Variants in IL15RA observed in about 807,000 individuals in gnomAD.
The protein encoded by IL15RA is interleukin 15 receptor subunit alpha, also known as interleukin-15 receptor subunit alpha.
In IL15RA, 26 loss-of-function variants were observed where a neutral mutation model predicts 24.2. The observed-to-expected ratio is 1.07, with a 90% CI of 0.79 to 1.49. The LOEUF is 1.49. Among genes scored for constraint, IL15RA ranks in the 40% most tolerant of loss-of-function variants. IL15RA has a pLI of 0.00. For missense variants in IL15RA, 354 were observed against 356.4 expected, an observed-to-expected ratio of 0.99 and a Z score of 0.05; for synonymous variants, 166 against 157.6, an observed-to-expected ratio of 1.05 and a Z score of -0.40.
Position 5,953,089 on chromosome 10 carries a change from C to T in IL15RA, c.*6G>A, listed in dbSNP as rs2229135. 0.085 allele frequency: 135,946 copies of T among 1,604,980 alleles called. 6,320 individuals carry two copies. The highest frequency in any genetic ancestry group is 0.15 in the Admixed American group (8,864 of 60,006). ...CCGGACTTAGCTGGGCTGGTTTCCC[C>T]GAGTTTCATAGGTGGTGAGAGCAGT... On this transcript the variant is annotated 3_prime_UTR_variant, in exon 7 of 7. Transcript: ENST00000379977. The surrounding 1 kb of genome is among the most constrained non-coding windows in gnomAD (Gnocchi z 5.3).
downstream of IL15RA, chr10:5,950,811 T>G (rs1239812756): frequency 6.6e-6 from 1 of 152,492 alleles, no homozygotes; most frequent in Non-Finnish European, 1.5e-5. This position sits in a 1 kb window ranked among gnomAD's most constrained non-coding sequence, Gnocchi z 5.6. Flanking sequence ...CTGATTTTGA[T>G]GAAGGCATCT....
chr10:5,950,276 C>A (rs1327159553), downstream of IL15RA, among the ~76,000 whole-genome samples: 1 of 152,078 alleles, frequency 6.6e-6, no homozygotes, highest in Non-Finnish European at 1.5e-5. This position sits in a 1 kb window ranked among gnomAD's most constrained non-coding sequence, Gnocchi z 5.6. Context: ...AGCTATAGAA[C>A]TTTCTTTTTT....
chr10:5,963,381 G>A lies in IL15RA; in HGVS notation c.382+362C>T, dbSNP rs1835921552. On this transcript the variant is annotated intron_variant, in intron 3 of 6. Transcript: ENST00000379977. This position sits in a 1 kb window ranked among gnomAD's most constrained non-coding sequence, Gnocchi z 5.3. The stretch of plus-strand genomic sequence containing the variant: ...CTGCCTGCTGGCCTCCCATCCTGGA[G>A]TGCCCTCTTTTCTGCCAGCACCCAT... 6.6e-6 allele frequency among the ~76,000 whole-genome samples: 1 copy of A among 152,214 alleles called. No homozygotes were observed. The highest frequency in any genetic ancestry group is 1.5e-5 in the Non-Finnish European group (1 of 68,044).
At chr10:5,974,748 A>G (rs910812908) in intron 1 of IL15RA, among the ~76,000 whole-genome samples, 26 of 151,974 alleles carry the variant, frequency 1.7e-4, no homozygotes, top group African/African-American at 6.3e-4. Context: ...GTAGTGGTGC[A>G]AGCCTGTAGT....
At position 5,960,598 on chromosome 10, in the gene IL15RA, C is replaced by T. The variant is rs746688298; in HGVS notation, c.383-31G>A. The T allele has an allele frequency of 6.3e-7, 1 of 1,591,976 alleles. No homozygotes were observed. On this transcript the variant is annotated intron_variant, in intron 3 of 6. Transcript: ENST00000379977. The surrounding 1 kb of genome is among the most constrained non-coding windows in gnomAD (Gnocchi z 5.1). Reference sequence around the variant, plus strand: ...GGAGAGTCCAAGGCAGGGACAACATCAGTGTGCAGACTCCCCTCCTCTCAG... The same window carrying T: ...GGAGAGTCCAAGGCAGGGACAACATTAGTGTGCAGACTCCCCTCCTCTCAG...
At position 5,962,581 on chromosome 10, in the gene IL15RA, G is replaced by A. The variant is rs1314244883; in HGVS notation, c.382+1162C>T. 7.5e-6 allele frequency among the ~76,000 whole-genome samples: 1 copy of A among 133,714 alleles called. No homozygotes were observed. The highest frequency in any genetic ancestry group is 1.6e-5 in the Non-Finnish European group (1 of 64,202). The allele number at this position is 133,714 out of a possible 152,430, so 87.7% of individuals were successfully genotyped here. On this transcript the variant is annotated intron_variant, in intron 3 of 6. Transcript: ENST00000379977. The surrounding 1 kb of genome is among the most constrained non-coding windows in gnomAD (Gnocchi z 5.2). ...CCCTCCAGACTGGGCAATAGAGCAA[G>A]ACCCCATCTCAAAAAAAAAAAAAAA...
rs1055749565 is a variant in IL15RA, at chr10:5,966,027, G to A, written c.283+118C>T. On this transcript the variant is annotated intron_variant, in intron 2 of 6. Transcript: ENST00000379977. This position sits in a 1 kb window ranked among gnomAD's most constrained non-coding sequence, Gnocchi z 6.4. Reference sequence around the variant, plus strand: ...TGAGCCACCGTGCCCGGCCCCCACTGGTGTGTTTAGCCTCAGACCTCAGCA... The same window carrying A: ...TGAGCCACCGTGCCCGGCCCCCACTAGTGTGTTTAGCCTCAGACCTCAGCA... 1.5e-5 allele frequency: 10 copies of A among 671,946 alleles called. No individual in the cohort carries two copies. The highest frequency in any genetic ancestry group is 2.7e-5 in the Admixed American group (1 of 37,372). 41.6% of individuals were successfully genotyped at this position (671,946 alleles called of 1,614,324 possible). A position where few individuals can be genotyped will look rare whatever the true frequency, so the allele number is the denominator to read the frequency against.
intron 5 of IL15RA, among the ~76,000 whole-genome samples, chr10:5,957,639 C>G (rs1834750937): frequency 6.8e-6 from 1 of 146,114 alleles, no homozygotes; most frequent in Admixed American, 7.0e-5. Flanking sequence ...GTTGCCCAGG[C>G]TGGAGTGCAG....
At chr10:5,957,369 G>A (rs1834697929) in intron 5 of IL15RA, among the ~76,000 whole-genome samples, 1 of 152,044 alleles carries the variant, frequency 6.6e-6, no homozygotes, top group Non-Finnish European at 1.5e-5. Context: ...TCCAGCTCCA[G>A]TGTTCAAGCA....
rs553287065 is a variant in IL15RA at position 5,967,449 on chromosome 10, C to T, written c.89-1110G>A. ...TGATCTCTTGACCTTGTGATCATCCCGCTTTGGCCTCCCAAAGTGTTGGGA... is the reference window on the plus strand; with the variant it reads ...TGATCTCTTGACCTTGTGATCATCCTGCTTTGGCCTCCCAAAGTGTTGGGA... On this transcript the variant is annotated intron_variant, in intron 1 of 6. Transcript: ENST00000379977. This position sits in a 1 kb window ranked among gnomAD's most constrained non-coding sequence, Gnocchi z 4.4. Among the ~76,000 whole-genome samples, 21 of 152,094 alleles carry T rather than the reference C, an allele frequency of 1.4e-4. No individual in the cohort carries two copies. Among genetic ancestry groups the T allele is most frequent in the Admixed American group, 2.6e-4 (4 of 15,288 alleles).
In IL15RA at chr10:5,955,769, A is replaced by C. The variant is rs552566025; in HGVS notation, c.692+610T>G. On this transcript the variant is annotated intron_variant, in intron 6 of 6. Coordinates refer to ENST00000379977, the MANE Select transcript of IL15RA (RefSeq NM_002189.4). The surrounding 1 kb of genome is among the most constrained non-coding windows in gnomAD (Gnocchi z 5.3). ...CCCTATTCAATGAGGACTTTCAAGAATATATTCATGAGGGTATCACAAGAA... is the reference window on the plus strand; with the variant it reads ...CCCTATTCAATGAGGACTTTCAAGACTATATTCATGAGGGTATCACAAGAA... Among the ~76,000 whole-genome samples, 2 of 152,222 alleles carry C rather than the reference A, an allele frequency of 1.3e-5. No individual in the cohort carries two copies. Among genetic ancestry groups the C allele is most frequent in the South Asian group, 4.1e-4 (2 of 4,832 alleles).
chr10:5,949,468 G>C (rs537924248), downstream of IL15RA, among the ~76,000 whole-genome samples: 1 of 152,116 alleles, frequency 6.6e-6, no homozygotes, highest in African/African-American at 2.4e-5. The surrounding 1 kb of genome is among the most constrained non-coding windows in gnomAD (Gnocchi z 4.4). Context: ...GATTTGGGTC[G>C]GGCTGGTCCT....
chr10:5,958,275 C>T lies in IL15RA; in HGVS notation c.616+1479G>A, dbSNP rs192254855. The T allele has an allele frequency of 2.2e-6, 1 of 452,910 alleles. No individual in the cohort carries two copies. Among genetic ancestry groups the T allele is most frequent in the East Asian group, 7.0e-5 (1 of 14,334 alleles). 28.1% of individuals were successfully genotyped at this position (452,910 alleles called of 1,614,324 possible). A position where few individuals can be genotyped will look rare whatever the true frequency, so the allele number is the denominator to read the frequency against. ...GAAAAGAAGCAACTGTCCAGCATTC[C>T]TTATCCTCTATATGTTTATTTATAC... On this transcript the variant is annotated intron_variant, in intron 5 of 6. Coordinates refer to ENST00000379977, the MANE Select transcript of IL15RA (RefSeq NM_002189.4). This position sits in a 1 kb window ranked among gnomAD's most constrained non-coding sequence, Gnocchi z 4.3.
In IL15RA at chr10:5,960,562, C is replaced by A. The variant is rs966637535; in HGVS notation, c.388G>T (p.Ala130Ser). 2 of 1,613,696 alleles carry A rather than the reference C, an allele frequency of 1.2e-6. No homozygotes were observed. The highest frequency in any genetic ancestry group is 1.7e-6 in the Non-Finnish European group (2 of 1,179,934). Residue 130 changes from alanine to serine, a missense_variant, in exon 4 of 7, where the codon GCA (alanine) becomes TCA (serine). By Grantham distance (99) the Ala-to-Ser change is moderately conservative. Transcript: ENST00000379977. The surrounding 1 kb of genome is among the most constrained non-coding windows in gnomAD (Gnocchi z 5.1). ...TTGTTTGAGCTGGGAGATGAAGCTGCGGGCTCTGTAGGAGAGTCCAAGGCA... is the reference window on the plus strand; with the variant it reads ...TTGTTTGAGCTGGGAGATGAAGCTGAGGGCTCTGTAGGAGAGTCCAAGGCA... ...ESLSPSGKEP[A>S]ASSPSSNNTA...
chr10:5,957,505 ACCTCGTGATCCGCCTG>A (rs1347507807), intron 5 of IL15RA, among the ~76,000 whole-genome samples: 1 of 146,808 alleles, frequency 6.8e-6, no homozygotes, highest in African/African-American at 2.5e-5. Context: ...TGAACTCCTG[ACCTCGTGATCCGCCTG>A]CCTTAGCCTC....
chr10:5,972,609 G>A (rs1035713736), intron 1 of IL15RA, among the ~76,000 whole-genome samples: 1 of 152,038 alleles, frequency 6.6e-6, no homozygotes, highest in Admixed American at 6.6e-5. Context: ...TCAAATTATG[G>A]CAGAAAAATA....
upstream of IL15RA, chr10:5,977,944 C>G (rs906901525): frequency 4.4e-6 from 1 of 229,396 alleles, no homozygotes; most frequent in African/African-American, 2.3e-5. Flanking sequence ...TCGCCCGGCG[C>G]TGGTCGCCTC....
At position 5,959,407 on chromosome 10, in the gene IL15RA, G is replaced by A. The variant is rs1270947151; in HGVS notation, c.616+347C>T. ...CAGCTTCTGGCAGAGATGCTGTAAC[G>A]TCAGTGCTGGCATCAGCACCTGTAG... On this transcript the variant is annotated intron_variant, in intron 5 of 6. Coordinates refer to ENST00000379977, the MANE Select transcript of IL15RA (RefSeq NM_002189.4). The surrounding 1 kb of genome is among the most constrained non-coding windows in gnomAD (Gnocchi z 4.1). Among the ~76,000 whole-genome samples the A allele has an allele frequency of 5.9e-5, 9 of 152,136 alleles. No homozygotes were observed. Among genetic ancestry groups the A allele is most frequent in the Admixed American group, 6.5e-5 (1 of 15,270 alleles).
chr10:5,977,445 C>T lies in IL15RA; in HGVS notation c.48G>A (p.Ala16=). The T allele has an allele frequency of 1.5e-6, 2 of 1,365,744 alleles. No individual in the cohort carries two copies. The highest frequency in any genetic ancestry group is 1.9e-6 in the Non-Finnish European group (2 of 1,061,722). 84.6% of individuals were successfully genotyped at this position (1,365,744 alleles called of 1,614,324 possible). Residue 16 remains alanine, a synonymous_variant, in exon 1 of 7, where the codon GCG becomes GCA. Transcript: ENST00000379977. The stretch of plus-strand genomic sequence containing the variant: ...GCCGGAGCAGCAGCAGCAGTAGCAG[C>T]GCCGGGAGACCGAGGGTCCGGCAGC... ...ARGCRTLGLP[A]LLLLLLLRPP...
Sources: gnomAD v4.1 joint callset for allele counts (sites outside exome capture counted in the v4.1 genomes callset) on GRCh38, gnomAD v4.1.1 for gene constraint, Gnocchi (gnomAD v3.1) non-coding constraint, MANE v1.5 for transcripts, NCBI Gene and HGNC (gene_info 2026-07-23, HGNC 2026-07-21) for gene names.